Variants in ZNF827 observed in about 807,000 individuals in gnomAD.
ZNF827 encodes zinc finger protein 827.
A neutral mutation model predicts 102.4 loss-of-function variants in ZNF827; 13 were observed. The observed-to-expected ratio is 0.13, with a 90% CI of 0.08 to 0.20. The LOEUF (loss-of-function observed/expected upper bound fraction) is 0.20, where lower values mean the gene tolerates loss of function less well. Ranked by LOEUF, ZNF827 falls within the 10% of genes least tolerant of loss-of-function variation. The probability of loss-of-function intolerance (pLI) is 1.00; values close to 1 mark genes in which losing one functional copy is unlikely to be tolerated. For synonymous variants in ZNF827, 523 were observed against 536.2 expected (o/e 0.98, Z 0.34); for missense variants, 1,103 against 1,344.4 (o/e 0.82, Z 2.81).
rs771679311 is a variant in ZNF827 at position 145,902,496 on chromosome 4, C to T, written c.763G>A (p.Ala255Thr). Residue 255 changes from alanine to threonine, a missense_variant, in exon 2 of 15, where the codon GCT becomes ACT. Ala to Thr is a moderately conservative substitution (Grantham distance 58). This residue lies in a region of ZNF827 where 441 missense variants were observed against 458.6 expected (regional missense o/e 0.96). Coordinates refer to ENST00000508784, the MANE Select transcript of ZNF827 (RefSeq NM_001306215.2). The surrounding 1 kb of genome is among the most constrained non-coding windows in gnomAD (Gnocchi z 4.3). ...SSQSASSTLAALSKKVSERSL... is the reference protein window; with the variant it reads ...SSQSASSTLATLSKKVSERSL... ...CTTTCACTGACCTTCTTGGACAAAG[C>T]GGCCAAGGTAGAACTGGCAGACTGG... The T allele has an allele frequency of 6.8e-6, 11 of 1,613,986 alleles. No homozygotes were observed. The African/African-American group carries it at 8.0e-5, about 12-fold the overall frequency.
Position 145,853,935 on chromosome 4 carries a change from G to C in ZNF827, c.1982-4374C>G, listed in dbSNP as rs571954113. Among the ~76,000 whole-genome samples, 255 of 151,558 alleles carry C rather than the reference G, an allele frequency of 1.7e-3. 6 individuals carry two copies. Among genetic ancestry groups the C allele is most frequent in the Admixed American group, 0.017 (254 of 15,194 alleles). Reference sequence around the variant, plus strand: ...AGCCCTGATTGCACCATTACACTCCGGCATGGGCAACAGAGCAATTAAAAA... The same window carrying C: ...AGCCCTGATTGCACCATTACACTCCCGCATGGGCAACAGAGCAATTAAAAA... On this transcript the variant is annotated intron_variant, in intron 5 of 14. Transcript: ENST00000508784.
chr4:145,884,309 G>A (rs1286223915), intron 4 of ZNF827, among the ~76,000 whole-genome samples: 1 of 152,152 alleles, frequency 6.6e-6, no homozygotes, highest in East Asian at 1.9e-4. Context: ...CATTCCAAAA[G>A]ACCCGACTGA....
chr4:145,874,935 A>G (rs33934805), intron 4 of ZNF827, among the ~76,000 whole-genome samples: 64,908 of 151,980 alleles, frequency 0.43, 14,226 homozygotes, highest in Admixed American at 0.5. Flanking sequence ...GTGGACCACC[A>G]TTTAAAGGAA....
At chr4:145,810,962 T>C (rs1741947893) in intron 8 of ZNF827, among the ~76,000 whole-genome samples, 1 of 151,946 alleles carries the variant, frequency 6.6e-6, no homozygotes, top group South Asian at 2.1e-4. Flanking sequence ...TGGAGTGTTA[T>C]ACTTCTCTGC....
intron 8 of ZNF827, among the ~76,000 whole-genome samples, chr4:145,785,335 A>G (rs1054204122): frequency 6.6e-6 from 1 of 152,214 alleles, no homozygotes; most frequent in African/African-American, 2.4e-5. Context: ...GGTCCTGGGA[A>G]GATGAAACCC....
intron 11 of ZNF827, chr4:145,770,931 C>T (rs1736189551): frequency 6.6e-6 from 1 of 152,160 alleles, no homozygotes; most frequent in African/African-American, 2.4e-5. Context: ...AATGTGAGTA[C>T]CAGCATCATC....
rs997105673 is a variant in ZNF827, at chr4:145,828,482, C to T, written c.2280-4957G>A. ...CTATCACAACATATTCCCTTTGGCC[C>T]GGGTCAAAGACAGGCTAGCTGGAAG... On this transcript the variant is annotated intron_variant, in intron 7 of 14. Transcript: ENST00000508784. Among the ~76,000 whole-genome samples the T allele has an allele frequency of 3.9e-5, 6 of 152,050 alleles. No individual in the cohort carries two copies. The East Asian group carries it at 1.2e-3, about 29-fold the overall frequency.
At chr4:145,815,655 A>T (rs1742531020) in intron 8 of ZNF827, among the ~76,000 whole-genome samples, 1 of 152,250 alleles carries the variant, frequency 6.6e-6, no homozygotes, top group Non-Finnish European at 1.5e-5. Context: ...ATGAAATGAG[A>T]ATATGTATTT....
intron 1 of ZNF827, among the ~76,000 whole-genome samples, chr4:145,936,918 G>C (rs1034935229): frequency 6.6e-6 from 1 of 151,934 alleles, no homozygotes; most frequent in African/African-American, 2.4e-5. Context: ...AGTAGTGTGG[G>C]GGGAGAGAAG....
intron 2 of ZNF827, among the ~76,000 whole-genome samples, chr4:145,897,198 A>AAAC (rs375785908): frequency 1.3e-5 from 2 of 152,206 alleles, no homozygotes; most frequent in Admixed American, 6.5e-5. Context: ...TAAATCCACA[A>AAAC]AACAACAACA....
intron 1 of ZNF827, among the ~76,000 whole-genome samples, chr4:145,920,547 C>T (rs529750680): frequency 2.0e-5 from 3 of 152,324 alleles, no homozygotes; most frequent in Admixed American, 1.3e-4. Flanking sequence ...GCTACATTCA[C>T]GCGAATGTCC....
Position 145,824,563 on chromosome 4 carries a change from C to T in ZNF827, c.2280-1038G>A, listed in dbSNP as rs116036500. 2.2e-3 allele frequency among the ~76,000 whole-genome samples: 333 copies of T among 152,198 alleles called. 2 individuals are homozygous for T. The highest frequency in any genetic ancestry group is 7.5e-3 in the African/African-American group (310 of 41,510). On this transcript the variant is annotated intron_variant, in intron 7 of 14. Coordinates refer to ENST00000508784, the MANE Select transcript of ZNF827 (RefSeq NM_001306215.2). ...TAAATGGAGCCCAGGTCATGGGAGC[C>T]GAAGCACCAGAGGAGATGCAGCTGC...
At chr4:145,845,532 T>A (rs553097487) in intron 7 of ZNF827, among the ~76,000 whole-genome samples, 1 of 152,096 alleles carries the variant, frequency 6.6e-6, no homozygotes, top group Non-Finnish European at 1.5e-5. Flanking sequence ...TATCAGCCTA[T>A]AGTCATGGAG....
chr4:145,784,055 G>A (rs1738497781), intron 8 of ZNF827, among the ~76,000 whole-genome samples: 1 of 152,056 alleles, frequency 6.6e-6, no homozygotes, highest in African/African-American at 2.4e-5. Flanking sequence ...TACTGCTCTG[G>A]CCATGTAACA....
chr4:145,885,407 C>T (rs542102461), intron 4 of ZNF827, among the ~76,000 whole-genome samples: 1 of 152,018 alleles, frequency 6.6e-6, no homozygotes, highest in Admixed American at 6.5e-5. Flanking sequence ...TAAGAACTCA[C>T]CAAAGGGAAA....
intron 11 of ZNF827, 100 bp downstream of exon 11, chr4:145,774,406 C>T: frequency 1.5e-6 from 2 of 1,321,826 alleles, no homozygotes; most frequent in Non-Finnish European, 2.1e-6. Flanking sequence ...AGGAAAAGGG[C>T]AATGTCTCAG....
In ZNF827 at chr4:145,762,177, C is replaced by G. The variant is rs1333737296; in HGVS notation, c.*18-579G>C. The stretch of plus-strand genomic sequence containing the variant: ...TTAGGATGAGAAGGCCTGTGTGTGT[C>G]TCTCTGTGTGAGTGTGTGCATGTGT... On this transcript the variant is annotated intron_variant, in intron 14 of 14. Transcript: ENST00000508784. The surrounding 1 kb of genome is among the most constrained non-coding windows in gnomAD (Gnocchi z 4.9). Among the ~76,000 whole-genome samples the G allele has an allele frequency of 6.6e-6, 1 of 152,056 alleles. No individual in the cohort carries two copies. The highest frequency in any genetic ancestry group is 2.4e-5 in the African/African-American group (1 of 41,328).
At chr4:145,834,485 T>A (rs966587324) in intron 7 of ZNF827, among the ~76,000 whole-genome samples, 4 of 152,120 alleles carry the variant, frequency 2.6e-5, no homozygotes, top group Non-Finnish European at 4.4e-5. Context: ...CCCTATATAA[T>A]CTTTTTATCA....
chr4:145,893,073 C>A (rs1333376664), intron 2 of ZNF827, among the ~76,000 whole-genome samples: 2 of 152,190 alleles, frequency 1.3e-5, no homozygotes, highest in African/African-American at 4.8e-5. Flanking sequence ...CCTTTGGTAG[C>A]CACTAACAAT....
Sources: allele counts gnomAD v4.1 joint callset (sites outside exome capture counted in the v4.1 genomes callset), GRCh38; gene constraint gnomAD v4.1.1; regional missense constraint gnomAD v4.1.1; non-coding constraint Gnocchi (gnomAD v3.1); transcripts MANE v1.5; gene names NCBI Gene and HGNC (gene_info 2026-07-23, HGNC 2026-07-21).